Variants in TCF4 observed in about 807,000 individuals in gnomAD.
TCF4 encodes transcription factor 4.
TCF4 carries 3 observed loss-of-function variants against 82.1 expected under a neutral mutation model. The ratio of observed to expected loss-of-function variants is 0.04; its 90% CI spans 0.02 to 0.09. The LOEUF (loss-of-function observed/expected upper bound fraction) is 0.09, where lower values mean the gene tolerates loss of function less well. Among genes scored for constraint, TCF4 ranks in the 10% least tolerant of loss-of-function variants. TCF4 has a pLI of 1.00. For synonymous variants in TCF4, 276 were observed against 309.6 expected (o/e 0.89, Z 1.14); for missense variants, 518 against 852.7 (o/e 0.61, Z 4.89).
At chr18:55,311,264 T>C (rs778628711) in intron 8 of TCF4, among the ~76,000 whole-genome samples, 12 of 152,194 alleles carry the variant, frequency 7.9e-5, no homozygotes, top group Non-Finnish European at 1.3e-4. Context: ...ATGGAACTTA[T>C]TATGACATTA....
intron 8 of TCF4, chr18:55,321,924 CGCTCAACTTTGCGCAGCGGA>C (rs1410993591): frequency 7.2e-7 from 1 of 1,393,200 alleles, no homozygotes; most frequent in Non-Finnish European, 9.3e-7. Flanking sequence ...TGCTGTCAGA[CGCTCAACTTTGCGCAGCGGA>C]GCTGGAAGGC....
At chr18:55,569,498 T>C (rs1568423097) in intron 3 of TCF4, among the ~76,000 whole-genome samples, 1 of 151,830 alleles carries the variant, frequency 6.6e-6, no homozygotes, top group Non-Finnish European at 1.5e-5. Context: ...TGAGCTAAGA[T>C]CACGCCACTG....
At chr18:55,414,048 G>C (rs988398791) in intron 5 of TCF4, among the ~76,000 whole-genome samples, 18 of 152,092 alleles carry the variant, frequency 1.2e-4, no homozygotes, top group Admixed American at 3.9e-4. Flanking sequence ...GGATATAATG[G>C]GAACCCAGAG....
At chr18:55,524,961 T>C (rs550857877) in intron 3 of TCF4, among the ~76,000 whole-genome samples, 9 of 152,318 alleles carry the variant, frequency 5.9e-5, no homozygotes, top group African/African-American at 2.2e-4. Context: ...GATCAGTTCA[T>C]TAAGGCTTCA....
intron 8 of TCF4, among the ~76,000 whole-genome samples, chr18:55,289,590 T>C (rs1055326841): frequency 2.6e-5 from 4 of 152,204 alleles, no homozygotes; most frequent in Non-Finnish European, 4.4e-5. Context: ...CGACTGCTTT[T>C]TGTTTTAGAT....
intron 3 of TCF4, among the ~76,000 whole-genome samples, chr18:55,481,056 A>T (rs931381565): frequency 2.0e-5 from 3 of 146,436 alleles, no homozygotes; most frequent in African/African-American, 7.5e-5. Flanking sequence ...GTGAGCCAAG[A>T]CTGTGCCACT....
At chr18:55,330,693 G>C (rs987391521) in intron 8 of TCF4, among the ~76,000 whole-genome samples, 3 of 151,950 alleles carry the variant, frequency 2.0e-5, no homozygotes, top group Non-Finnish European at 4.4e-5. Flanking sequence ...AGCCTCCTGA[G>C]TGGCTGGGAT....
At chr18:55,494,313 T>C (rs1210470644) in intron 3 of TCF4, among the ~76,000 whole-genome samples, 1 of 141,880 alleles carries the variant, frequency 7.0e-6, no homozygotes, top group Non-Finnish European at 1.5e-5. Context: ...AAAAAAGAAA[T>C]GAAAAACTGT....
intron 6 of TCF4, among the ~76,000 whole-genome samples, chr18:55,386,125 C>A (rs768160407): frequency 2.0e-5 from 3 of 152,094 alleles, no homozygotes; most frequent in Non-Finnish European, 4.4e-5. Flanking sequence ...CTACTCCCAG[C>A]GCCTCCCAGG....
At chr18:55,512,573 T>C (rs1049152554) in intron 3 of TCF4, among the ~76,000 whole-genome samples, 2 of 152,092 alleles carry the variant, frequency 1.3e-5, no homozygotes, top group Non-Finnish European at 2.9e-5. Context: ...TGTATATATA[T>C]GTGTATGGTG....
At chr18:55,538,396 G>C (rs2097137539) in intron 3 of TCF4, among the ~76,000 whole-genome samples, 1 of 152,058 alleles carries the variant, frequency 6.6e-6, no homozygotes, top group Non-Finnish European at 1.5e-5. Flanking sequence ...TCCTTTCAAG[G>C]CTCTCTTTCT....
intron 8 of TCF4, among the ~76,000 whole-genome samples, chr18:55,292,190 C>T (rs2065250940): frequency 6.6e-6 from 1 of 152,108 alleles, no homozygotes; most frequent in South Asian, 2.1e-4. Flanking sequence ...GTGCTACTGG[C>T]TACCTCAAAT....
intron 11 of TCF4, chr18:55,268,145 G>A (rs1405234022): frequency 6.6e-6 from 1 of 151,826 alleles, no homozygotes; most frequent in African/African-American, 2.4e-5. Flanking sequence ...ATCAGAAAAA[G>A]TTTTTTTTCA....
At chr18:55,475,635 A>T (rs1299862298) in intron 3 of TCF4, among the ~76,000 whole-genome samples, 1 of 152,198 alleles carries the variant, frequency 6.6e-6, no homozygotes, top group African/African-American at 2.4e-5. Flanking sequence ...CACTTGTACC[A>T]CTCTTAGACA....
chr18:55,292,971 G>A (rs910291733), intron 8 of TCF4, among the ~76,000 whole-genome samples: 1 of 152,100 alleles, frequency 6.6e-6, no homozygotes, highest in Non-Finnish European at 1.5e-5. Context: ...CTAGAAGTAG[G>A]GGGATAGGAA....
chr18:55,436,779 C>G (rs1270721221), intron 5 of TCF4, among the ~76,000 whole-genome samples: 1 of 152,182 alleles, frequency 6.6e-6, no homozygotes, highest in Non-Finnish European at 1.5e-5. Flanking sequence ...CCAAAGGTCA[C>G]TGGACATACA....
At chr18:55,404,946 C>T (rs943549515) in intron 5 of TCF4, among the ~76,000 whole-genome samples, 4 of 152,258 alleles carry the variant, frequency 2.6e-5, no homozygotes, top group South Asian at 2.1e-4. Flanking sequence ...TCTGGTCTAG[C>T]GCTCAGCGCA....
chr18:55,578,018 C>T (rs1247965227), intron 3 of TCF4, among the ~76,000 whole-genome samples: 2 of 152,056 alleles, frequency 1.3e-5, no homozygotes, highest in Non-Finnish European at 2.9e-5. Context: ...TGACGTCATC[C>T]GTTACAGAAA....
upstream of TCF4, among the ~76,000 whole-genome samples, chr18:55,589,050 G>A (rs1361400850): frequency 6.6e-6 from 1 of 151,730 alleles, no homozygotes; most frequent in Non-Finnish European, 1.5e-5. Context: ...GTAATAACAA[G>A]CGTGCTTTAT....
Sources: allele counts gnomAD v4.1 joint callset (sites outside exome capture counted in the v4.1 genomes callset), GRCh38; gene constraint gnomAD v4.1.1; transcripts MANE v1.5; gene names NCBI Gene and HGNC (gene_info 2026-07-23, HGNC 2026-07-21).